Variants in GRHL2 observed in about 807,000 individuals in gnomAD.
The protein encoded by GRHL2 is grainyhead-like protein 2 homolog.
A neutral mutation model predicts 83.8 loss-of-function variants in GRHL2; 21 were observed. The ratio of observed to expected loss-of-function variants is 0.25; its 90% confidence interval spans 0.18 to 0.36. The LOEUF is 0.36. Among genes scored for constraint, GRHL2 ranks in the 10% least tolerant of loss-of-function variants. The pLI is 1.00. For missense variants in GRHL2, 623 were observed against 781.8 expected (o/e 0.80, Z 2.42); for synonymous variants, 280 against 278.9 (o/e 1.00, Z -0.04).
intron 12 of GRHL2, among the ~76,000 whole-genome samples, 166 bp downstream of exon 12, chr8:101,637,094 G>C (rs1304590127): frequency 6.6e-6 from 1 of 152,092 alleles, no homozygotes; most frequent in Non-Finnish European, 1.5e-5. Context: ...GAGGGAGGCT[G>C]GGGGCTGGAG....
intron 8 of GRHL2, 27 bp downstream of exon 8, chr8:101,599,178 A>G (rs1386765022): frequency 5.7e-6 from 8 of 1,391,938 alleles, no homozygotes; most frequent in Non-Finnish European, 2.0e-6. Flanking sequence ...CATTGTTTAT[A>G]CCTCTTAATA....
At chr8:101,500,154 C>G (rs1810195252) in intron 1 of GRHL2, among the ~76,000 whole-genome samples, 1 of 152,050 alleles carries the variant, frequency 6.6e-6, no homozygotes, top group Non-Finnish European at 1.5e-5. Flanking sequence ...TAGGCCTAAC[C>G]TGATAAAGGG....
chr8:101,571,676 C>T (rs1014455456), intron 5 of GRHL2, among the ~76,000 whole-genome samples: 5 of 152,118 alleles, frequency 3.3e-5, no homozygotes, highest in African/African-American at 9.6e-5. Flanking sequence ...GTTTCTTGCC[C>T]CTTTGCTTTT....
intron 2 of GRHL2, among the ~76,000 whole-genome samples, chr8:101,545,832 A>T (rs1417149214): frequency 1.2e-4 from 16 of 130,496 alleles, no homozygotes; most frequent in Non-Finnish European, 1.6e-5. Flanking sequence ...AGTGACCCTG[A>T]TTTGATTATT....
the GRHL2 span, among the ~76,000 whole-genome samples, chr8:101,680,796 G>A: frequency 3.2e-5 from 4 of 126,828 alleles, no homozygotes; most frequent in East Asian, 9.3e-4. Context: ...TCAACTACAT[G>A]GAAACTGAAC....
At chr8:101,607,136 G>A (rs909095839) in intron 8 of GRHL2, among the ~76,000 whole-genome samples, 4 of 151,968 alleles carry the variant, frequency 2.6e-5, no homozygotes. Context: ...GGTTCTTTTT[G>A]GTCTAAACTG....
chr8:101,531,572 A>C (rs946421136), intron 1 of GRHL2, among the ~76,000 whole-genome samples: 1 of 151,992 alleles, frequency 6.6e-6, no homozygotes, highest in African/African-American at 2.4e-5. Flanking sequence ...ACACACACAC[A>C]CCACACACAC....
chr8:101,638,238 A>G (rs1475135154), intron 12 of GRHL2, among the ~76,000 whole-genome samples: 2 of 152,204 alleles, frequency 1.3e-5, no homozygotes, highest in Non-Finnish European at 2.9e-5. Context: ...CAGTTGGCAA[A>G]TTGGAGCAGA....
chr8:101,658,212 CCAGTTGCTTCTTTGTA>C (rs1194388302), intron 14 of GRHL2, among the ~76,000 whole-genome samples: 5 of 152,194 alleles, frequency 3.3e-5, no homozygotes, highest in South Asian at 2.1e-4. Flanking sequence ...GAGGTTTCTG[CCAGTTGCTTCTTTGTA>C]CAGTTGCTTC....
Position 101,560,140 on chromosome 8 carries a change from G to A in GRHL2, c.678+1328G>A, listed in dbSNP as rs186138950. Among the ~76,000 whole-genome samples the A allele has an allele frequency of 4.8e-3, 730 of 151,918 alleles. 8 individuals carry two copies. Among genetic ancestry groups the A allele is most frequent in the South Asian group, 0.022 (107 of 4,802 alleles). On this transcript the variant is annotated intron_variant, in intron 4 of 15. Coordinates refer to ENST00000646743, the MANE Select transcript of GRHL2 (RefSeq NM_024915.4). ...CCTGCCTCAGCCTCCCGAGTAGCTGGGATTACAGGTGTGCACCACCATGCC... is the reference window on the plus strand; with the variant it reads ...CCTGCCTCAGCCTCCCGAGTAGCTGAGATTACAGGTGTGCACCACCATGCC...
At chr8:101,659,346 G>T (rs866751893) in intron 14 of GRHL2, among the ~76,000 whole-genome samples, 2 of 152,214 alleles carry the variant, frequency 1.3e-5, no homozygotes, top group African/African-American at 2.4e-5. Context: ...TGAAAATAAA[G>T]ATGAATGTTT....
intron 7 of GRHL2, among the ~76,000 whole-genome samples, chr8:101,587,992 T>G (rs1294308084): frequency 1.3e-5 from 2 of 152,236 alleles, no homozygotes; most frequent in Admixed American, 1.3e-4. Flanking sequence ...TTAAACTCTT[T>G]GAGGTTGTAG....
chr8:101,590,658 C>T (rs1390753470), intron 7 of GRHL2, among the ~76,000 whole-genome samples: 2 of 152,196 alleles, frequency 1.3e-5, no homozygotes, highest in African/African-American at 4.8e-5. Context: ...AAATTCAGGT[C>T]TGTGTGTCTC....
intron 1 of GRHL2, among the ~76,000 whole-genome samples, chr8:101,542,490 T>G (rs961953643): frequency 2.0e-5 from 3 of 150,074 alleles, no homozygotes; most frequent in African/African-American, 7.4e-5. Context: ...GAAGCGGAGG[T>G]TTCAGTGAGC....
At chr8:101,512,855 A>G (rs1810492461) in intron 1 of GRHL2, among the ~76,000 whole-genome samples, 2 of 152,200 alleles carry the variant, frequency 1.3e-5, no homozygotes, top group African/African-American at 2.4e-5. Context: ...TAAACAACAG[A>G]AACTGATGTC....
chr8:101,528,428 A>AT lies in GRHL2; in HGVS notation c.21-14799dup, dbSNP rs35634695. 2.1e-3 allele frequency among the ~76,000 whole-genome samples: 300 copies of AT among 143,738 alleles called. 1 individual carries two copies. The highest frequency in any genetic ancestry group is 7.2e-3 in the Middle Eastern group (2 of 278). 94.3% of individuals were successfully genotyped at this position (143,738 alleles called of 152,430 possible). ...TCTTTTTACCCCCGTCTCTTTTCAGATTTTTTTTTTTTTTAACTAACAAGC... is the reference window on the plus strand; with the variant it reads ...TCTTTTTACCCCCGTCTCTTTTCAGATTTTTTTTTTTTTTTAACTAACAAGC... On this transcript the variant is annotated intron_variant, in intron 1 of 15. Transcript: ENST00000646743.
intron 2 of GRHL2, chr8:101,543,814 C>A: frequency 3.7e-6 from 1 of 269,600 alleles, no homozygotes; most frequent in Non-Finnish European, 7.2e-6. Context: ...TTTCACACTG[C>A]TGATAAAGAC....
At chr8:101,495,433 TAAAAC>T (rs796985335) in intron 1 of GRHL2, among the ~76,000 whole-genome samples, 22 of 152,336 alleles carry the variant, frequency 1.4e-4, no homozygotes, top group African/African-American at 2.9e-4. Flanking sequence ...TATCGCCAAT[TAAAAC>T]AAAGTATTTT....
At chr8:101,666,512 A>G (rs552133631) in intron 15 of GRHL2, 77 bp from the exon 16 acceptor site, 1 of 829,566 alleles carries the variant, frequency 1.2e-6, no homozygotes, top group Admixed American at 1.9e-5. Flanking sequence ...GAGAACCCCC[A>G]GCCTGGAGCT....
Sources: gnomAD v4.1 joint callset for allele counts (sites outside exome capture counted in the v4.1 genomes callset) on GRCh38, gnomAD v4.1.1 for gene constraint, MANE v1.5 for transcripts, NCBI Gene and HGNC (gene_info 2026-07-23, HGNC 2026-07-21) for gene names.